RGS11: variants seen among roughly 807,000 people sequenced by gnomAD.
RGS11 encodes the protein regulator of G-protein signaling 11.
RGS11 carries 86 observed loss-of-function variants against 71.1 expected under a neutral mutation model. That is an observed-to-expected ratio of 1.21 (90% CI 1.02 to 1.45). RGS11 has a LOEUF of 1.45. Ranked by LOEUF, RGS11 falls within the 40% of genes most tolerant of loss-of-function variation. The pLI, the probability that RGS11 is intolerant of heterozygous loss-of-function variation, is 0.00. For synonymous variants in RGS11, 298 were observed against 254.2 expected, an observed-to-expected ratio of 1.17 and a Z score of -1.64; for missense variants, 734 against 635.1, an observed-to-expected ratio of 1.16 and a Z score of -1.67.
At position 274,218 on chromosome 16, in the gene RGS11, G is replaced by T; in HGVS notation, c.366C>A (p.Asp122Glu). The change falls in exon 5 of 17, where the codon GAC (aspartate) becomes GAA (glutamate). Residue 122 changes from aspartate (D) to glutamate (E), a missense_variant. Physicochemically the swap from Asp to Glu is conservative, Grantham distance 45. Coordinates refer to ENST00000397770, the MANE Select transcript of RGS11 (RefSeq NM_183337.3). The stretch of plus-strand genomic sequence containing the variant: ...GCCAGCCGTCCCCTTGCTCACCATA[G>T]TCCAGCTCTGCAGCCGGCCTCAGGG... ...TSTLRPAAEL[D>E]YAIYLAKKNI... The T allele has an allele frequency of 6.2e-7, 1 of 1,610,294 alleles. No individual in the cohort carries two copies. The highest frequency in any genetic ancestry group is 1.7e-5 in the Admixed American group (1 of 59,704).
At chr16:271,751 C>T (rs1190316053) in intron 9 of RGS11, 182 bp from the exon 10 acceptor site, 1 of 621,032 alleles carries the variant, frequency 1.6e-6, no homozygotes, top group Non-Finnish European at 2.8e-6. Flanking sequence ...TTCGAGGAGA[C>T]CTCTGGGGGC....
intron 9 of RGS11, 141 bp from the exon 10 acceptor site, chr16:271,710 C>T (rs2051948731): frequency 1.4e-6 from 1 of 730,334 alleles, no homozygotes; most frequent in African/African-American, 1.8e-5. Context: ...CAGTCCCGCC[C>T]CTTGGAGCCC....
chr16:271,169 C>T (rs2051918576), intron 12 of RGS11, 33 bp downstream of exon 12: 1 of 1,607,102 alleles, frequency 6.2e-7, no homozygotes, highest in South Asian at 1.1e-5. Context: ...GCTGGGAGCA[C>T]ACCCGCAGTC....
At position 269,382 on chromosome 16, in the gene RGS11, C is replaced by T. The variant is rs374550808; in HGVS notation, c.1291G>A (p.Val431Met). The T allele has an allele frequency of 2.8e-5, 45 of 1,599,358 alleles. 1 individual carries two copies. The highest frequency in any genetic ancestry group is 3.3e-4 in the Middle Eastern group (2 of 6,036). ...CGTGGCCTCCACGTAAACGGGAACA[C>T]GCTGTGGGCGAGAAGGCGGCTGAGA... ...AGIPLEMKRR[V>M]FPFTWRPRHS... The change falls in exon 17 of 17, where the codon GTG becomes ATG. Residue 431 changes from valine (V) to methionine (M), a missense_variant and splice_region_variant. Coordinates refer to ENST00000397770, the MANE Select transcript of RGS11 (RefSeq NM_183337.3).
At position 269,554 on chromosome 16, in the gene RGS11, A is replaced by G. The variant is rs142042302; in HGVS notation, c.1238T>C (p.Met413Thr). The part of the protein sequence containing the change: ...DSYPRFLKSD[M>T]YKALLAEAGI... The stretch of plus-strand genomic sequence containing the variant: ...AGCCTCTGCCAGGAGGGCCTTGTAC[A>G]TGTCAGACTTCAGGAACCTTGGGTA... Residue 413 changes from methionine (M) to threonine (T), a missense_variant, in exon 16 of 17, where the codon ATG becomes ACG. Physicochemically the swap from Met to Thr is moderately conservative, Grantham distance 81. Coordinates refer to ENST00000397770, the MANE Select transcript of RGS11 (RefSeq NM_183337.3). 28 of 1,613,394 alleles carry G rather than the reference A, an allele frequency of 1.7e-5. No individual in the cohort carries two copies. The African/African-American group carries it at 3.2e-4, about 18-fold the overall frequency.
intron 1 of RGS11, 90 bp from the exon 2 acceptor site, chr16:275,588 G>T (rs1292344829): frequency 8.0e-6 from 9 of 1,131,684 alleles, no homozygotes; most frequent in Non-Finnish European, 1.1e-5. Flanking sequence ...CCGGGAGCGC[G>T]GAGATTAACG....
At position 270,763 on chromosome 16, in the gene RGS11, G is replaced by C; in HGVS notation, c.1048C>G (p.Leu350Val). The change falls in exon 14 of 17, where the codon CTG (leucine) becomes GTG (valine). Residue 350 changes from leucine (L) to valine (V), a missense_variant. Transcript: ENST00000397770. ...RYGAQAQVPT[L>V]VDAVYEQFLA... ...ACTTACTCGTACACGGCATCCACCAGGGTGGGGACCTGGGCCTGCGCTCCA... is the reference window on the plus strand; with the variant it reads ...ACTTACTCGTACACGGCATCCACCACGGTGGGGACCTGGGCCTGCGCTCCA... 4 of 1,612,608 alleles carry C rather than the reference G, an allele frequency of 2.5e-6. No individual in the cohort carries two copies. The South Asian group carries it at 3.3e-5, about 13-fold the overall frequency.
intron 3 of RGS11, 94 bp from the exon 4 acceptor site, chr16:275,176 G>C: frequency 1.9e-6 from 3 of 1,589,698 alleles, no homozygotes; most frequent in African/African-American, 2.7e-5. Context: ...CCCCACCCTT[G>C]CACAGCGCGC....
Position 268,592 on chromosome 16 carries a change from G to T in RGS11, c.*677C>A, listed in dbSNP as rs1009799108. ...TATGGAATCGGGCCTCGTCAGTGGG[G>T]TGACAATGTCAGAGTTGTCTATAAA... On this transcript the variant is annotated 3_prime_UTR_variant, in exon 17 of 17. Transcript: ENST00000397770. The T allele has an allele frequency of 9.6e-6, 6 of 627,994 alleles. No individual in the cohort carries two copies. The African/African-American group carries it at 1.1e-4, about 12-fold the overall frequency. The allele number at this position is 627,994 out of a possible 1,614,324, so 38.9% of individuals were successfully genotyped here.
chr16:269,464 G>A, intron 16 of RGS11, 39 bp downstream of exon 16: 1 of 1,606,368 alleles, frequency 6.2e-7, no homozygotes, highest in Non-Finnish European at 8.5e-7. Context: ...GCAGCCCCCA[G>A]GCCACAGCCG....
Position 269,246 on chromosome 16 carries a change from G to T in RGS11, c.*23C>A. The T allele has an allele frequency of 6.8e-7, 1 of 1,471,868 alleles. No individual in the cohort carries two copies. Among genetic ancestry groups the T allele is most frequent in the Non-Finnish European group, 9.3e-7 (1 of 1,074,382 alleles). The allele number at this position is 1,471,868 out of a possible 1,614,324, so 91.2% of individuals were successfully genotyped here. A position where few individuals can be genotyped will look rare whatever the true frequency, so the allele number is the denominator to read the frequency against. On this transcript the variant is annotated 3_prime_UTR_variant, in exon 17 of 17. Coordinates refer to ENST00000397770, the MANE Select transcript of RGS11 (RefSeq NM_183337.3). ...GCAGGACGTTGAGCTGCAGGGACTA[G>T]AGTGGCAGATGGGCCAGGTCCACTA... is the stretch of plus-strand genomic sequence containing the variant.
chr16:269,033 G>A lies in RGS11; in HGVS notation c.*236C>T, dbSNP rs756142692. On this transcript the variant is annotated 3_prime_UTR_variant, in exon 17 of 17. Transcript: ENST00000397770. ...AACAGGCTCTGCCCTGACCCAAGCT[G>A]AGCCAATGAACCCCCTCCCTGGGAA... 8.0e-6 allele frequency: 10 copies of A among 1,255,390 alleles called. No individual in the cohort carries two copies. The highest frequency in any genetic ancestry group is 1.1e-5 in the Non-Finnish European group (10 of 878,300). 77.8% of individuals were successfully genotyped at this position (1,255,390 alleles called of 1,614,324 possible). A position where few individuals can be genotyped will look rare whatever the true frequency, so the allele number is the denominator to read the frequency against.
chr16:270,778 C>A lies in RGS11; in HGVS notation c.1033G>T (p.Ala345Ser). 6.2e-7 allele frequency: 1 copy of A among 1,612,616 alleles called. No homozygotes were observed. The highest frequency in any genetic ancestry group is 8.5e-7 in the Non-Finnish European group (1 of 1,179,936). ...ACEELRYGAQ[A>S]QVPTLVDAVY... Reference sequence around the variant, plus strand: ...GCATCCACCAGGGTGGGGACCTGGGCCTGCGCTCCATATCGAAGCTCCTCA... The same window carrying A: ...GCATCCACCAGGGTGGGGACCTGGGACTGCGCTCCATATCGAAGCTCCTCA... The change falls in exon 14 of 17, where the codon GCC (alanine) becomes TCC (serine). Residue 345 changes from alanine to serine, a missense_variant. By Grantham distance (99) the Ala-to-Ser change is moderately conservative. Coordinates refer to ENST00000397770, the MANE Select transcript of RGS11 (RefSeq NM_183337.3).
chr16:272,863 C>G lies in RGS11; in HGVS notation c.657G>C (p.Met219Ile), dbSNP rs779013057. 6.5e-7 allele frequency: 1 copy of G among 1,542,656 alleles called. No individual in the cohort carries two copies. Among genetic ancestry groups the G allele is most frequent in the South Asian group, 1.2e-5 (1 of 83,730 alleles). ...RGSCAASRVL[M>I]TKSADFHKRE... The stretch of plus-strand genomic sequence containing the variant: ...GGCCAGCACGCACGCAGGGGCTCAC[C>G]ATGAGCACACGGCTGGCAGCGCAGG... The change falls in exon 9 of 17, where the codon ATG (methionine) becomes ATC (isoleucine). Residue 219 changes from methionine to isoleucine, a missense_variant and splice_region_variant. Met to Ile is a conservative substitution (Grantham distance 10). Transcript: ENST00000397770.
chr16:270,893 G>C (rs945799082), intron 13 of RGS11, 62 bp from the exon 14 acceptor site: 3 of 1,582,474 alleles, frequency 1.9e-6, no homozygotes, highest in Non-Finnish European at 2.6e-6. Context: ...CCGGTGGGGG[G>C]TTCCCAGGGA....
At position 274,282 on chromosome 16, in the gene RGS11, A is replaced by C; in HGVS notation, c.319-17T>G. 6.2e-7 allele frequency: 1 copy of C among 1,606,514 alleles called. No individual in the cohort carries two copies. Among genetic ancestry groups the C allele is most frequent in the East Asian group, 2.2e-5 (1 of 44,470 alleles). On this transcript the variant is annotated splice_polypyrimidine_tract_variant and intron_variant, in intron 4 of 16. Transcript: ENST00000397770. ...GTACGGGGTCTGGCGTGGTGCAGGGAGAAGGTGTCCAGGACGCCTGCGTCT... is the reference window on the plus strand; with the variant it reads ...GTACGGGGTCTGGCGTGGTGCAGGGCGAAGGTGTCCAGGACGCCTGCGTCT...
intron 9 of RGS11, 150 bp downstream of exon 9, chr16:272,713 A>T: frequency 6.7e-7 from 1 of 1,486,654 alleles, no homozygotes. Flanking sequence ...ACAGGGAGTG[A>T]CCGGGAGTGA....
In RGS11 at chr16:268,426, A is replaced by C. The variant is rs1207833994; in HGVS notation, c.*843T>G. 4 of 353,014 alleles carry C rather than the reference A, an allele frequency of 1.1e-5. No homozygotes were observed. In the East Asian group the frequency reaches 2.4e-4, roughly 21 times the overall value. The allele number at this position is 353,014 out of a possible 1,614,324, so 21.9% of individuals were successfully genotyped here. ...ACCGCCCTACCGCCGAGAGAGTTGA[A>C]GCTGCACCCCCGAAAGGAGCCAGCT... On this transcript the variant is annotated 3_prime_UTR_variant, in exon 17 of 17. Transcript: ENST00000397770.
chr16:273,664 ACG>A (rs2052035016), intron 7 of RGS11, 94 bp downstream of exon 7: 1 of 1,516,506 alleles, frequency 6.6e-7, no homozygotes, highest in East Asian at 2.3e-5. Flanking sequence ...GGTGCCCTCC[ACG>A]GTCCCAGGGC....
Sources: gnomAD v4.1 joint callset for allele counts on GRCh38, gnomAD v4.1.1 for gene constraint, MANE v1.5 for transcripts, NCBI Gene and HGNC (gene_info 2026-07-23, HGNC 2026-07-21) for gene names.